The following COLEC12 variants were observed in gnomAD, a reference collection of about 807,000 sequenced individuals.
COLEC12 encodes the protein collectin-12.
COLEC12 carries 33 observed loss-of-function variants against 71.1 expected under a neutral mutation model. That is an observed-to-expected ratio of 0.46 (90% CI 0.35 to 0.62). COLEC12 has a LOEUF of 0.62. Ranked by LOEUF, COLEC12 falls within the 20% of genes least tolerant of loss-of-function variation. The pLI is 0.00. For missense variants in COLEC12, 765 were observed against 916.1 expected, an observed-to-expected ratio of 0.84 and a Z score of 2.13; for synonymous variants, 350 against 353.0, an observed-to-expected ratio of 0.99 and a Z score of 0.10.
intron 5 of COLEC12, among the ~76,000 whole-genome samples, chr18:336,807 A>G (rs1363101498): frequency 2.0e-5 from 3 of 152,140 alleles, no homozygotes; most frequent in Admixed American, 1.3e-4. Flanking sequence ...TTCTGCATGA[A>G]TAAGTAAAAG....
intron 9 of COLEC12, 75 bp downstream of exon 9, chr18:321,587 C>T: frequency 6.4e-7 from 1 of 1,551,308 alleles, no homozygotes. Context: ...ATTCAGGGCC[C>T]TTGTACTCAC....
At chr18:456,708 T>G (rs1236262560) in intron 2 of COLEC12, among the ~76,000 whole-genome samples, 2 of 152,236 alleles carry the variant, frequency 1.3e-5, no homozygotes, top group Non-Finnish European at 2.9e-5. Context: ...AGGCGTATTT[T>G]CTTCTCCAAC....
At chr18:485,247 G>A (rs191717570) in intron 1 of COLEC12, among the ~76,000 whole-genome samples, 8 of 152,276 alleles carry the variant, frequency 5.3e-5, no homozygotes, top group Admixed American at 2.6e-4. Flanking sequence ...TTCTTCTGAG[G>A]TCAGTCTCTT....
At chr18:377,795 A>C (rs1915145463) in intron 2 of COLEC12, among the ~76,000 whole-genome samples, 1 of 152,072 alleles carries the variant, frequency 6.6e-6, no homozygotes, top group Non-Finnish European at 1.5e-5. Flanking sequence ...GGCCCAAGAA[A>C]GACAGGGCCT....
chr18:483,969 C>CCACT (rs1299061866), intron 1 of COLEC12, among the ~76,000 whole-genome samples: 1 of 152,164 alleles, frequency 6.6e-6, no homozygotes, highest in Non-Finnish European at 1.5e-5. Flanking sequence ...GCAGCAGAAT[C>CCACT]CACTCACACT....
Position 480,683 on chromosome 18 carries a change from G to A in COLEC12, c.58+24C>T. 4 of 1,609,916 alleles carry A rather than the reference G, an allele frequency of 2.5e-6. No homozygotes were observed. The highest frequency in any genetic ancestry group is 3.4e-6 in the Non-Finnish European group (4 of 1,176,176). ...GCATCCCAGGTTGACCACTGAGAAG[G>A]AACACAGCTTTGTTAGGACTCACCA... On this transcript the variant is annotated intron_variant, in intron 2 of 9. Coordinates refer to ENST00000400256, the MANE Select transcript of COLEC12 (RefSeq NM_130386.3). The surrounding 1 kb of genome is among the most constrained non-coding windows in gnomAD (Gnocchi z 4.1).
chr18:421,539 T>C (rs1916098676), intron 2 of COLEC12, among the ~76,000 whole-genome samples: 1 of 152,196 alleles, frequency 6.6e-6, no homozygotes, highest in African/African-American at 2.4e-5. Context: ...AATATGAATG[T>C]GTAATTAAAA....
At chr18:320,407 A>C (rs1383636607) in intron 9 of COLEC12, among the ~76,000 whole-genome samples, 1 of 152,060 alleles carries the variant, frequency 6.6e-6, no homozygotes, top group African/African-American at 2.4e-5. Flanking sequence ...CCCTCAACTG[A>C]CCCAGCTGTG....
chr18:347,589 A>T (rs1359624275), intron 4 of COLEC12, among the ~76,000 whole-genome samples: 2 of 152,186 alleles, frequency 1.3e-5, no homozygotes, highest in African/African-American at 4.8e-5. Context: ...GGGAGGGGGA[A>T]TTTACTAGAT....
chr18:433,046 A>G (rs1916336206), intron 2 of COLEC12, among the ~76,000 whole-genome samples: 1 of 152,154 alleles, frequency 6.6e-6, no homozygotes, highest in South Asian at 2.1e-4. Flanking sequence ...AAGGAAATAC[A>G]TTGGATTACA....
chr18:417,898 C>T (rs969305190), intron 2 of COLEC12, among the ~76,000 whole-genome samples: 3 of 152,192 alleles, frequency 2.0e-5, no homozygotes, highest in Admixed American at 6.5e-5. Flanking sequence ...AAACTTTTGC[C>T]TTCCTCTAAC....
intron 2 of COLEC12, among the ~76,000 whole-genome samples, chr18:434,418 T>C (rs534704414): frequency 6.6e-6 from 1 of 152,202 alleles, no homozygotes; most frequent in Non-Finnish European, 1.5e-5. Flanking sequence ...CACACAGTAT[T>C]TTCATGACAA....
rs1467061237 is a variant in COLEC12 at position 319,365 on chromosome 18, CACAT to C, written c.*676_*679del. ...AAATATATATATATATATATATATA[CACAT>C]GTATATTTAATTATTTTTTTAAAGC... On this transcript the variant is annotated 3_prime_UTR_variant, in exon 10 of 10. Coordinates refer to ENST00000400256, the MANE Select transcript of COLEC12 (RefSeq NM_130386.3). 1.5e-4 allele frequency: 10 copies of C among 68,288 alleles called. No individual in the cohort carries two copies. The highest frequency in any genetic ancestry group is 5.5e-4 in the South Asian group (1 of 1,812). The allele number at this position is 68,288 out of a possible 1,614,324, so 4.2% of individuals were successfully genotyped here. A position where few individuals can be genotyped will look rare whatever the true frequency, so the allele number is the denominator to read the frequency against.
intron 1 of COLEC12, among the ~76,000 whole-genome samples, chr18:493,466 A>T (rs1189017915): frequency 6.6e-6 from 1 of 152,256 alleles, no homozygotes; most frequent in Non-Finnish European, 1.5e-5. Context: ...CTGAAATATG[A>T]ACTATAATTC....
At chr18:437,319 C>T (rs937545387) in intron 2 of COLEC12, among the ~76,000 whole-genome samples, 1 of 152,254 alleles carries the variant, frequency 6.6e-6, no homozygotes, top group Non-Finnish European at 1.5e-5. Flanking sequence ...ACAGCTGGAA[C>T]AGATCACAGA....
chr18:345,497 G>C (rs1914351162), intron 5 of COLEC12, among the ~76,000 whole-genome samples: 1 of 152,144 alleles, frequency 6.6e-6, no homozygotes, highest in Admixed American at 6.5e-5. Flanking sequence ...ACAGGCATGA[G>C]CCAGCACACC....
At chr18:361,377 C>T (rs1475292134) in intron 2 of COLEC12, among the ~76,000 whole-genome samples, 2 of 152,164 alleles carry the variant, frequency 1.3e-5, no homozygotes, top group Non-Finnish European at 2.9e-5. Context: ...CCTGCCACCA[C>T]CCTAGTGTGA....
intron 1 of COLEC12, among the ~76,000 whole-genome samples, chr18:495,279 G>A (rs1308856449): frequency 1.3e-5 from 2 of 152,178 alleles, no homozygotes; most frequent in Non-Finnish European, 2.9e-5. Flanking sequence ...AGTAAAGAAT[G>A]AACCTTCTAT....
chr18:410,801 T>C (rs1915878591), intron 2 of COLEC12, among the ~76,000 whole-genome samples: 2 of 151,224 alleles, frequency 1.3e-5, no homozygotes, highest in South Asian at 4.2e-4. Context: ...AAAAAAAATA[T>C]CCGAAAAAAG....
Sources: allele counts gnomAD v4.1 joint callset (sites outside exome capture counted in the v4.1 genomes callset), GRCh38; gene constraint gnomAD v4.1.1; non-coding constraint Gnocchi (gnomAD v3.1); transcripts MANE v1.5; gene names NCBI Gene and HGNC (gene_info 2026-07-23, HGNC 2026-07-21).